Variants in IQANK1 observed in about 807,000 individuals in gnomAD.
IQANK1 encodes IQ motif and ankyrin repeat containing 1.
A neutral mutation model predicts 22.6 loss-of-function variants in IQANK1; 30 were observed. That is an observed-to-expected ratio of 1.33 (90% CI 0.99 to 1.80). The LOEUF (loss-of-function observed/expected upper bound fraction) is 1.80. Among genes scored for constraint, IQANK1 ranks in the 40% most tolerant of loss-of-function variants. IQANK1 has a pLI of 0.00. For synonymous variants in IQANK1, 122 were observed against 99.6 expected, an observed-to-expected ratio of 1.23 and a Z score of -1.34; for missense variants, 275 against 235.2, an observed-to-expected ratio of 1.17 and a Z score of -1.11.
chr8:143,756,231 G>A (rs949232501), intron 3 of IQANK1, among the ~76,000 whole-genome samples: 26 of 152,086 alleles, frequency 1.7e-4, no homozygotes, highest in Non-Finnish European at 2.6e-4. Flanking sequence ...TTTCTTCCAC[G>A]GATCTCTTAG....
At chr8:143,763,528 T>G (rs1819432610) in intron 3 of IQANK1, among the ~76,000 whole-genome samples, 1 of 152,144 alleles carries the variant, frequency 6.6e-6, no homozygotes, top group Non-Finnish European at 1.5e-5. Context: ...TCATGAATGG[T>G]TTGGTGCCCT....
chr8:143,767,849 C>T (rs1201335696), intron 3 of IQANK1, among the ~76,000 whole-genome samples: 2 of 143,420 alleles, frequency 1.4e-5, no homozygotes, highest in Non-Finnish European at 3.0e-5. Flanking sequence ...GGAGCCACTG[C>T]ACTCCAGCCT....
At chr8:143,773,308 A>AAC (rs1554630000) in intron 7 of IQANK1, among the ~76,000 whole-genome samples, 1,472 of 134,438 alleles carry the variant, frequency 0.011, 30 homozygotes, top group African/African-American at 0.051. Flanking sequence ...CTCAAAAAAA[A>AAC]AAAAAAAACA....
At chr8:143,776,041 G>A (rs1006770735) in intron 7 of IQANK1, among the ~76,000 whole-genome samples, 29 of 146,410 alleles carry the variant, frequency 2.0e-4, no homozygotes, top group African/African-American at 7.4e-4. Context: ...AATCCCAGCG[G>A]CCGGGCGCGG....
In IQANK1 at chr8:143,771,103, G is replaced by A. The variant is rs1254802484; in HGVS notation, c.176-385G>A. Among the ~76,000 whole-genome samples the A allele has an allele frequency of 6.6e-6, 1 of 152,210 alleles. No homozygotes were observed. The highest frequency in any genetic ancestry group is 1.5e-5 in the Non-Finnish European group (1 of 68,032). The stretch of plus-strand genomic sequence containing the variant: ...CCCAGGCCTGGGGCCCCCCCGCTCA[G>A]TCCAGCCTTCGCTCGCTGGGGCCTG... On this transcript the variant is annotated intron_variant, in intron 3 of 13. Transcript: ENST00000527139. The surrounding 1 kb of genome is among the most constrained non-coding windows in gnomAD (Gnocchi z 6.0).
intron 7 of IQANK1, among the ~76,000 whole-genome samples, chr8:143,785,988 G>C (rs1819880345): frequency 6.6e-6 from 1 of 152,148 alleles, no homozygotes; most frequent in South Asian, 2.1e-4. Context: ...GCCTTCCAAA[G>C]TGCTGAGATC....
intron 3 of IQANK1, among the ~76,000 whole-genome samples, chr8:143,766,681 G>GAA (rs375853326): frequency 6.8e-6 from 1 of 147,642 alleles, no homozygotes; most frequent in African/African-American, 2.5e-5. Context: ...ACGAAAAAAA[G>GAA]AAAAAAAAAA....
intron 3 of IQANK1, among the ~76,000 whole-genome samples, chr8:143,753,303 C>CG (rs1819231658): frequency 6.6e-6 from 1 of 151,930 alleles, no homozygotes; most frequent in Non-Finnish European, 1.5e-5. Context: ...TGTGAGCCAC[C>CG]GCACCTGGCC....
chr8:143,736,842 A>T (rs1818751116), intron 2 of IQANK1, among the ~76,000 whole-genome samples: 1 of 130,018 alleles, frequency 7.7e-6, no homozygotes, highest in Admixed American at 8.1e-5. Context: ...TCCAGCTCCC[A>T]TTTATTCTCT....
intron 7 of IQANK1, among the ~76,000 whole-genome samples, chr8:143,785,591 G>A (rs574032116): frequency 6.8e-6 from 1 of 147,468 alleles, no homozygotes; most frequent in Admixed American, 6.7e-5. Context: ...ACAGGGTCTT[G>A]CTCTGTCACC....
At position 143,789,399 on chromosome 8, in the gene IQANK1, G is replaced by A. The variant is rs1819968932; in HGVS notation, c.994-37G>A. ...GGAGTGACCTGGTCGGAGGATACTGGCCAGCCTTGCCAGGGCCTGCCCGTA... is the reference window on the plus strand; with the variant it reads ...GGAGTGACCTGGTCGGAGGATACTGACCAGCCTTGCCAGGGCCTGCCCGTA... On this transcript the variant is annotated intron_variant, in intron 9 of 13. Transcript: ENST00000527139. 4.4e-6 allele frequency: 5 copies of A among 1,133,210 alleles called. No homozygotes were observed. In the South Asian group the frequency reaches 1.8e-4, roughly 40 times the overall value. The allele number at this position is 1,133,210 out of a possible 1,614,324, so 70.2% of individuals were successfully genotyped here.
chr8:143,754,093 G>A (rs1819244401), intron 3 of IQANK1, among the ~76,000 whole-genome samples: 1 of 151,918 alleles, frequency 6.6e-6, no homozygotes, highest in Admixed American at 6.6e-5. Context: ...AGCCTTTCAT[G>A]TTTGGCTCCT....
rs1818749591 is a variant in IQANK1 at position 143,736,795 on chromosome 8, CA to C, written c.85+858del. Among the ~76,000 whole-genome samples the C allele has an allele frequency of 2.0e-5, 3 of 152,114 alleles. No individual in the cohort carries two copies. In the South Asian group the frequency reaches 6.2e-4, roughly 31 times the overall value. On this transcript the variant is annotated intron_variant, in intron 2 of 13. Transcript: ENST00000527139. ...GGAGACTTCCCCCAGTACCCTCCCC[CA>C]CCCCAGCCCCGCCTTCACTGTTGTC...
In IQANK1 at chr8:143,774,882, C is replaced by G. The variant is rs1398241451; in HGVS notation, c.789+2400C>G. Among the ~76,000 whole-genome samples, 2 of 152,180 alleles carry G rather than the reference C, an allele frequency of 1.3e-5. No homozygotes were observed. Among genetic ancestry groups the G allele is most frequent in the African/African-American group, 4.8e-5 (2 of 41,448 alleles). ...ACGTGGAGAAACCGGAAGGGAGCTTCACAGAGTGGGGGAGAAGGTCACACA... is the reference window on the plus strand; with the variant it reads ...ACGTGGAGAAACCGGAAGGGAGCTTGACAGAGTGGGGGAGAAGGTCACACA... On this transcript the variant is annotated intron_variant, in intron 7 of 13. Transcript: ENST00000527139. This position sits in a 1 kb window ranked among gnomAD's most constrained non-coding sequence, Gnocchi z 4.2.
Position 143,764,119 on chromosome 8 carries a change from G to A in IQANK1, c.176-7369G>A, listed in dbSNP as rs535599106. Among the ~76,000 whole-genome samples the A allele has an allele frequency of 7.9e-4, 121 of 152,260 alleles. 1 individual carries two copies. The highest frequency in any genetic ancestry group is 2.8e-3 in the African/African-American group (117 of 41,542). ...TCTCAGCAGTCACAGAACAGAGACA[G>A]GAAACATTGTGTGGAGGGCCCGCCG... On this transcript the variant is annotated intron_variant, in intron 3 of 13. Transcript: ENST00000527139.
chr8:143,759,379 C>T lies in IQANK1; in HGVS notation c.176-12109C>T, dbSNP rs543631184. On this transcript the variant is annotated intron_variant, in intron 3 of 13. Coordinates refer to ENST00000527139, the MANE Select transcript of IQANK1 (RefSeq NM_001381874.1). ...TGCACTTTGCACGGGCTGGGCTGGT[C>T]GTGGTCTTGAACCTGGAGGAGAGTC... is the stretch of plus-strand genomic sequence containing the variant. 4.5e-5 allele frequency: 7 copies of T among 155,470 alleles called. No individual in the cohort carries two copies. The South Asian group carries it at 7.8e-4, about 17-fold the overall frequency. The allele number at this position is 155,470 out of a possible 1,614,324, so 9.6% of individuals were successfully genotyped here.
chr8:143,773,457 C>A (rs1007471477), intron 7 of IQANK1, among the ~76,000 whole-genome samples: 1 of 152,108 alleles, frequency 6.6e-6, no homozygotes, highest in African/African-American at 2.4e-5. Flanking sequence ...AGACCACGAA[C>A]CTCGCCTACC....
chr8:143,773,572 T>G (rs959157675), intron 7 of IQANK1, among the ~76,000 whole-genome samples: 1 of 150,954 alleles, frequency 6.6e-6, no homozygotes, highest in Non-Finnish European at 1.5e-5. Flanking sequence ...CCCACACAAA[T>G]CTGGAGGTGC....
At chr8:143,770,986 G>A (rs1554629684) in intron 3 of IQANK1, among the ~76,000 whole-genome samples, 1 of 152,170 alleles carries the variant, frequency 6.6e-6, no homozygotes, top group Non-Finnish European at 1.5e-5. Flanking sequence ...GCGGTGGGGC[G>A]AGGGCGAGGC....
Sources: allele counts gnomAD v4.1 joint callset (sites outside exome capture counted in the v4.1 genomes callset), GRCh38; gene constraint gnomAD v4.1.1; non-coding constraint Gnocchi (gnomAD v3.1); transcripts MANE v1.5; gene names NCBI Gene and HGNC (gene_info 2026-07-23, HGNC 2026-07-21).